MYO1D: variants seen among roughly 807,000 people sequenced by gnomAD.
MYO1D encodes the protein unconventional myosin-Id.
In MYO1D, 83 loss-of-function variants were observed where a neutral mutation model predicts 122.0. The observed-to-expected ratio is 0.68, with a 90% confidence interval of 0.57 to 0.82. The LOEUF is 0.82. Among genes scored for constraint, MYO1D ranks in the 40% least tolerant of loss-of-function variants. The pLI, the probability that MYO1D is intolerant of heterozygous loss-of-function variation, is 0.00. For synonymous variants in MYO1D, 464 were observed against 446.9 expected (o/e 1.04, Z -0.48); for missense variants, 1,157 against 1,269.5 (o/e 0.91, Z 1.35).
chr17:32,856,060 G>C (rs144436854), intron 1 of MYO1D, among the ~76,000 whole-genome samples: 30 of 152,230 alleles, frequency 2.0e-4, no homozygotes, highest in Middle Eastern at 3.4e-3. Context: ...CCATCAATCA[G>C]AATGTGCATG....
At chr17:32,726,564 C>G (rs1389400176) in intron 14 of MYO1D, among the ~76,000 whole-genome samples, 4 of 148,986 alleles carry the variant, frequency 2.7e-5, no homozygotes, top group Non-Finnish European at 5.9e-5. Context: ...AAATTACAAT[C>G]TAAATAGATA....
At chr17:32,871,685 G>T (rs551691588) in intron 1 of MYO1D, among the ~76,000 whole-genome samples, 4 of 152,218 alleles carry the variant, frequency 2.6e-5, no homozygotes, top group Non-Finnish European at 4.4e-5. Flanking sequence ...TTTCTGTCAA[G>T]GACACCGTCC....
At chr17:32,757,422 A>G (rs774630484) in intron 10 of MYO1D, among the ~76,000 whole-genome samples, 5 of 152,126 alleles carry the variant, frequency 3.3e-5, no homozygotes, top group Non-Finnish European at 7.4e-5. Flanking sequence ...AACATCCTAC[A>G]ATGCATAGAA....
At chr17:32,734,153 G>A (rs149826526) in intron 14 of MYO1D, among the ~76,000 whole-genome samples, 22 of 152,272 alleles carry the variant, frequency 1.4e-4, no homozygotes, top group African/African-American at 5.1e-4. Flanking sequence ...GCAACGTTGG[G>A]AAAAGGTGGA....
At chr17:32,540,327 C>CAAAAAAAAAAAAAAAAA (rs34076937) in intron 21 of MYO1D, among the ~76,000 whole-genome samples, 1 of 69,870 alleles carries the variant, frequency 1.4e-5, no homozygotes, top group Admixed American at 1.8e-4. Context: ...GAGACTATCT[C>CAAAAAAAAAAAAAAAAA]AAAAAAAAAA....
At chr17:32,576,545 T>G (rs1316594182) in intron 21 of MYO1D, among the ~76,000 whole-genome samples, 1 of 152,252 alleles carries the variant, frequency 6.6e-6, no homozygotes, top group Non-Finnish European at 1.5e-5. Context: ...CATATGATGG[T>G]AGTCCATGTG....
chr17:32,775,289 AG>A (rs1668098738), intron 4 of MYO1D, among the ~76,000 whole-genome samples: 1 of 149,028 alleles, frequency 6.7e-6, no homozygotes, highest in Non-Finnish European at 1.5e-5. Context: ...TGACAGAGTG[AG>A]ACTCTGTCTC....
chr17:32,676,824 TTTTTGAGACGGAG>T (rs1461789068), intron 16 of MYO1D, among the ~76,000 whole-genome samples: 2 of 152,072 alleles, frequency 1.3e-5, no homozygotes, highest in African/African-American at 4.8e-5. Context: ...ATTTTTTTTT[TTTTTGAGACGGAG>T]TCTTGCTCTG....
At chr17:32,604,320 A>G (rs186344859) in intron 21 of MYO1D, among the ~76,000 whole-genome samples, 17 of 152,330 alleles carry the variant, frequency 1.1e-4, no homozygotes, top group African/African-American at 3.8e-4. Flanking sequence ...GTCTTCTCCC[A>G]GCATCAGGTG....
chr17:32,577,136 A>G (rs1290209008), intron 21 of MYO1D, among the ~76,000 whole-genome samples: 1 of 152,062 alleles, frequency 6.6e-6, no homozygotes, highest in Admixed American at 6.5e-5. Context: ...CTGTAATGCC[A>G]GCTACTCAGG....
chr17:32,621,490 T>C (rs963173948), intron 20 of MYO1D, among the ~76,000 whole-genome samples: 4 of 152,104 alleles, frequency 2.6e-5, no homozygotes, highest in African/African-American at 4.8e-5. Flanking sequence ...TTATTGAATG[T>C]GTGGAAGACA....
Position 32,776,812 on chromosome 17 carries a change from C to T in MYO1D, c.399-783G>A, listed in dbSNP as rs528786585. On this transcript the variant is annotated intron_variant, in intron 3 of 21. Coordinates refer to ENST00000318217, the MANE Select transcript of MYO1D (RefSeq NM_015194.3). ...ATTCGACGAATGCTAACTTTCTATA[C>T]AGCAGTCCCTCCCAATGGATACATT... Among the ~76,000 whole-genome samples the T allele has an allele frequency of 5.8e-4, 89 of 152,338 alleles. 2 individuals carry two copies. The highest frequency in any genetic ancestry group is 3.9e-3 in the South Asian group (19 of 4,824).
chr17:32,525,898 G>A (rs189444574), intron 21 of MYO1D, among the ~76,000 whole-genome samples: 3 of 152,248 alleles, frequency 2.0e-5, no homozygotes, highest in East Asian at 3.9e-4. Flanking sequence ...TGCCCTTCTC[G>A]CTAGGTCATT....
At chr17:32,613,150 T>C (rs1330691397) in intron 20 of MYO1D, among the ~76,000 whole-genome samples, 4 of 138,690 alleles carry the variant, frequency 2.9e-5, no homozygotes, top group Non-Finnish European at 6.5e-5. Context: ...TATTTATAAC[T>C]AGCAAAAAGT....
Position 32,775,929 on chromosome 17 carries a change from C to T in MYO1D, c.499G>A (p.Asp167Asn). ...DNSSRFGKYM[D>N]INFDFKGDPI... is the part of the protein sequence containing the mutation. ...TCACCCTTGAAGTCAAAGTTGATAT[C>T]CATGTATTTTCCAAACCTGCTTGAG... Residue 167 changes from aspartate to asparagine, a missense_variant, in exon 4 of 22, where the codon GAT becomes AAT. Asp to Asn is a conservative substitution (Grantham distance 23). Transcript: ENST00000318217. 6.2e-7 allele frequency: 1 copy of T among 1,613,764 alleles called. No homozygotes were observed. The highest frequency in any genetic ancestry group is 8.5e-7 in the Non-Finnish European group (1 of 1,179,800).
chr17:32,556,254 T>C (rs770800957), intron 21 of MYO1D, among the ~76,000 whole-genome samples: 2 of 152,238 alleles, frequency 1.3e-5, no homozygotes, highest in Non-Finnish European at 2.9e-5. Context: ...CTCTTACCTA[T>C]ATTTTTCTAA....
At chr17:32,642,206 G>C (rs541991579) in intron 19 of MYO1D, among the ~76,000 whole-genome samples, 3 of 152,266 alleles carry the variant, frequency 2.0e-5, no homozygotes, top group Non-Finnish European at 4.4e-5. Context: ...CCCATTTCTT[G>C]TTTTTGTCAG....
chr17:32,812,210 G>A (rs1341790831), intron 1 of MYO1D, among the ~76,000 whole-genome samples: 6 of 152,226 alleles, frequency 3.9e-5, no homozygotes, highest in African/African-American at 1.4e-4. Context: ...GAGGACAGGA[G>A]TGCAGAAATT....
intron 20 of MYO1D, among the ~76,000 whole-genome samples, chr17:32,612,734 G>C (rs2087718972): frequency 6.9e-6 from 1 of 143,944 alleles, no homozygotes; most frequent in Admixed American, 6.9e-5. Context: ...AATTAGAAGA[G>C]AAAAACTTTT....
Sources: allele counts gnomAD v4.1 joint callset (sites outside exome capture counted in the v4.1 genomes callset), GRCh38; gene constraint gnomAD v4.1.1; transcripts MANE v1.5; gene names NCBI Gene and HGNC (gene_info 2026-07-23, HGNC 2026-07-21).